Variants in RNF217 observed in about 807,000 individuals in gnomAD.
RNF217 encodes the protein ring finger protein 217, also known as E3 ubiquitin-protein ligase RNF217.
In RNF217, 31 loss-of-function variants were observed where a neutral mutation model predicts 57.8. The observed-to-expected ratio is 0.54, with a 90% CI of 0.40 to 0.72. The LOEUF is 0.72. Among genes scored for constraint, RNF217 ranks in the 30% least tolerant of loss-of-function variants. The pLI is 0.00. For missense variants in RNF217, 696 were observed against 708.3 expected, an observed-to-expected ratio of 0.98 and a Z score of 0.20; for synonymous variants, 313 against 294.0, an observed-to-expected ratio of 1.06 and a Z score of -0.66.
rs757862581 is a variant in RNF217, at chr6:125,019,653, C to T, written c.883-25558C>T. On this transcript the variant is annotated intron_variant, in intron 1 of 5. Coordinates refer to ENST00000521654, the MANE Select transcript of RNF217 (RefSeq NM_001286398.3). ...AAAGATCATTTTCCACCAAATTAGACGAATAATTTAGTTTCTCAAGTTCCA... is the reference window on the plus strand; with the variant it reads ...AAAGATCATTTTCCACCAAATTAGATGAATAATTTAGTTTCTCAAGTTCCA... Among the ~76,000 whole-genome samples, 19 of 152,170 alleles carry T rather than the reference C, an allele frequency of 1.2e-4. No individual in the cohort carries two copies. In the East Asian group the frequency reaches 1.5e-3, roughly 12 times the overall value.
intron 1 of RNF217, among the ~76,000 whole-genome samples, chr6:125,030,549 C>T (rs1012072538): frequency 5.3e-5 from 8 of 152,252 alleles, no homozygotes; most frequent in South Asian, 2.1e-4. Flanking sequence ...GGGTTTAGAG[C>T]GCCCATGCAA....
chr6:124,971,496 A>AC, intron 1 of RNF217: 2 of 334,188 alleles, frequency 6.0e-6, no homozygotes, highest in Non-Finnish European at 1.2e-5. Context: ...TCACTCTGTC[A>AC]CCAGGCTGGA....
At chr6:125,019,376 C>T (rs760418604) in intron 1 of RNF217, among the ~76,000 whole-genome samples, 1 of 152,044 alleles carries the variant, frequency 6.6e-6, no homozygotes, top group Non-Finnish European at 1.5e-5. Context: ...ACCATTTTAC[C>T]CACCTCCATC....
intron 2 of RNF217, among the ~76,000 whole-genome samples, chr6:125,056,356 A>T (rs1180545481): frequency 6.6e-6 from 1 of 152,232 alleles, no homozygotes; most frequent in Non-Finnish European, 1.5e-5. Flanking sequence ...GGATGAAAAT[A>T]AATAATGCAT....
In RNF217 at chr6:125,048,239, T is replaced by C. The variant is rs565971787; in HGVS notation, c.1116+2795T>C. 2.2e-5 allele frequency: 30 copies of C among 1,355,012 alleles called. No homozygotes were observed. In the Admixed American group the frequency reaches 2.5e-4, roughly 11 times the overall value. 83.9% of individuals were successfully genotyped at this position (1,355,012 alleles called of 1,614,324 possible). On this transcript the variant is annotated intron_variant, in intron 2 of 5. Transcript: ENST00000521654. ...GGCACCCTGTACTGAGACTAAGATC[T>C]TTGTTCTTTGTGATGAACAGGTGAA...
intron 2 of RNF217, among the ~76,000 whole-genome samples, chr6:125,052,974 TA>T (rs1425756643): frequency 1.3e-5 from 2 of 152,106 alleles, no homozygotes; most frequent in African/African-American, 4.8e-5. Flanking sequence ...AGGGTTGAGC[TA>T]GCTGAAGTGA....
At chr6:125,056,815 T>A (rs941734458) in intron 2 of RNF217, among the ~76,000 whole-genome samples, 6 of 152,182 alleles carry the variant, frequency 3.9e-5, no homozygotes, top group Non-Finnish European at 8.8e-5. Context: ...TATACCCATA[T>A]GCTTTTAGAG....
intron 1 of RNF217, among the ~76,000 whole-genome samples, chr6:125,040,365 C>T (rs1167981793): frequency 1.3e-5 from 2 of 152,142 alleles, no homozygotes; most frequent in African/African-American, 4.8e-5. Flanking sequence ...TCCCTGGACA[C>T]ATACACCCTC....
intron 1 of RNF217, among the ~76,000 whole-genome samples, chr6:124,970,922 T>C (rs970774301): frequency 2.0e-4 from 31 of 152,210 alleles, no homozygotes; most frequent in Non-Finnish European, 3.4e-4. Context: ...AGGTTTGAAA[T>C]TGACCATCAG....
intron 1 of RNF217, among the ~76,000 whole-genome samples, chr6:125,027,500 T>A (rs769078573): frequency 6.6e-6 from 1 of 152,240 alleles, no homozygotes; most frequent in Non-Finnish European, 1.5e-5. Flanking sequence ...TTCTTTTTTA[T>A]GGCTGAATAG....
intron 1 of RNF217, among the ~76,000 whole-genome samples, chr6:124,990,117 T>C (rs1301078363): frequency 6.6e-6 from 1 of 152,236 alleles, no homozygotes; most frequent in African/African-American, 2.4e-5. Context: ...CTCCTTGAAA[T>C]ACTTTCTTCA....
intron 2 of RNF217, among the ~76,000 whole-genome samples, chr6:125,049,653 A>G (rs903828672): frequency 3.0e-5 from 4 of 132,368 alleles, no homozygotes; most frequent in African/African-American, 1.7e-4. Context: ...CACACATATA[A>G]ATTACTTAGC....
rs1048901708 is a variant in RNF217 at position 124,962,639 on chromosome 6, G to A, written c.95G>A (p.Arg32Lys). 7 of 1,322,662 alleles carry A rather than the reference G, an allele frequency of 5.3e-6. No homozygotes were observed. Among genetic ancestry groups the A allele is most frequent in the African/African-American group, 4.7e-5 (3 of 64,390 alleles). The allele number at this position is 1,322,662 out of a possible 1,614,324, so 81.9% of individuals were successfully genotyped here. ...SGTAGHPEPP[R>K]PQGDSARAPP... ...ACTGCGGGCCACCCTGAGCCCCCGA[G>A]GCCTCAGGGGGACAGCGCCCGGGCG... is the stretch of plus-strand genomic sequence containing the variant. Residue 32 changes from arginine to lysine, a missense_variant, in exon 1 of 6, where the codon AGG becomes AAG. Transcript: ENST00000521654. The surrounding 1 kb of genome is among the most constrained non-coding windows in gnomAD (Gnocchi z 4.6).
At chr6:124,994,420 T>A (rs1784673374) in intron 1 of RNF217, among the ~76,000 whole-genome samples, 1 of 152,164 alleles carries the variant, frequency 6.6e-6, no homozygotes, top group Non-Finnish European at 1.5e-5. Context: ...ACCTAAATAA[T>A]AATCATTTCT....
intron 1 of RNF217, among the ~76,000 whole-genome samples, chr6:125,023,435 G>T (rs1385368278): frequency 6.6e-6 from 1 of 152,154 alleles, no homozygotes; most frequent in Non-Finnish European, 1.5e-5. Flanking sequence ...GTTGTAAAAA[G>T]AGTGCTCCAG....
At chr6:125,077,020 T>G (rs1039882393) in intron 4 of RNF217, among the ~76,000 whole-genome samples, 162 bp downstream of exon 4, 1 of 152,166 alleles carries the variant, frequency 6.6e-6, no homozygotes, top group Non-Finnish European at 1.5e-5. Context: ...AAACTTAAAT[T>G]TTGTTACCAG....
In RNF217 at chr6:125,082,946, T is replaced by A; in HGVS notation, c.*9T>A. 1 of 1,586,544 alleles carries A rather than the reference T, an allele frequency of 6.3e-7. No homozygotes were observed. The highest frequency in any genetic ancestry group is 2.3e-5 in the East Asian group (1 of 44,332). ...CAGGTATGCACTGGTAACATGCAGA[T>A]GATTTCATCCAGCTAAGCTGGTTGG... On this transcript the variant is annotated 3_prime_UTR_variant, in exon 6 of 6. Transcript: ENST00000521654.
At chr6:125,071,221 G>C (rs2114626795) in intron 3 of RNF217, among the ~76,000 whole-genome samples, 1 of 152,270 alleles carries the variant, frequency 6.6e-6, no homozygotes, top group South Asian at 2.1e-4. Flanking sequence ...TTTCCATGAT[G>C]TGAAAGTAAC....
At chr6:125,003,495 C>T (rs59344673) in intron 1 of RNF217, among the ~76,000 whole-genome samples, 1 of 152,120 alleles carries the variant, frequency 6.6e-6, no homozygotes, top group Non-Finnish European at 1.5e-5. Context: ...TTATCATCAT[C>T]GTCATCCAAA....
Sources: gnomAD v4.1 joint callset for allele counts (sites outside exome capture counted in the v4.1 genomes callset) on GRCh38, gnomAD v4.1.1 for gene constraint, Gnocchi (gnomAD v3.1) non-coding constraint, MANE v1.5 for transcripts, NCBI Gene and HGNC (gene_info 2026-07-23, HGNC 2026-07-21) for gene names.